Variants in HGD observed in about 807,000 individuals in gnomAD.
The protein encoded by HGD is homogentisate 1,2-dioxygenase.
HGD carries 61 observed loss-of-function variants against 60.8 expected under a neutral mutation model. That is an observed-to-expected ratio of 1.00 (90% CI 0.82 to 1.24). The LOEUF (loss-of-function observed/expected upper bound fraction) is 1.24, where lower values mean the gene tolerates loss of function less well. Ranked by LOEUF, HGD falls within the 50% of genes most tolerant of loss-of-function variation. The probability of loss-of-function intolerance (pLI) is 0.00; values close to 1 mark genes in which losing one functional copy is unlikely to be tolerated. For missense variants in HGD, 542 were observed against 547.1 expected (o/e 0.99, Z 0.09); for synonymous variants, 212 against 187.7 (o/e 1.13, Z -1.06).
At position 120,633,144 on chromosome 3, in the gene HGD, T is replaced by TA. The variant is rs1940642269; in HGVS notation, c.1188+2dup. ...GCTGGAATGTGGCAGTTAACATACT[T>TA]ACCATGGTGCCATCGGCAATCCTCT... On this transcript the variant is annotated splice_region_variant and intron_variant, in intron 13 of 13. Coordinates refer to ENST00000283871, the MANE Select transcript of HGD (RefSeq NM_000187.4). The TA allele has an allele frequency of 1.2e-6, 2 of 1,613,886 alleles. No individual in the cohort carries two copies. Among genetic ancestry groups the TA allele is most frequent in the African/African-American group, 2.7e-5 (2 of 74,906 alleles).
intron 4 of HGD, among the ~76,000 whole-genome samples, chr3:120,655,095 C>T (rs111374013): frequency 0.11 from 17,269 of 151,902 alleles, 1,199 homozygotes; most frequent in Middle Eastern, 0.17. Flanking sequence ...ACAAAAACAA[C>T]AACAACAAAA....
chr3:120,628,548 G>T lies in HGD; in HGVS notation c.1189-19C>A, dbSNP rs778913529. 1 of 1,613,434 alleles carries T rather than the reference G, an allele frequency of 6.2e-7. No homozygotes were observed. ...TAAATGCCTGGAGGAAGTGACGATG[G>T]GGATGAGAAAAAAGAGGTGAGATAG... On this transcript the variant is annotated intron_variant, in intron 13 of 13. Coordinates refer to ENST00000283871, the MANE Select transcript of HGD (RefSeq NM_000187.4).
intron 13 of HGD, 113 bp downstream of exon 13, chr3:120,633,034 T>C: frequency 1.1e-6 from 1 of 890,600 alleles, no homozygotes; most frequent in Non-Finnish European, 1.8e-6. Flanking sequence ...AGTCATTAAC[T>C]CTCCCTCTTT....
At chr3:120,654,718 G>A (rs1019349866) in intron 4 of HGD, among the ~76,000 whole-genome samples, 4 of 152,234 alleles carry the variant, frequency 2.6e-5, no homozygotes, top group Non-Finnish European at 4.4e-5. Context: ...AGTAGCAGGG[G>A]ATTTTCTGCC....
At chr3:120,638,353 T>G in intron 12 of HGD, 102 bp downstream of exon 12, 4 of 1,390,064 alleles carry the variant, frequency 2.9e-6, no homozygotes, top group Non-Finnish European at 4.1e-6. Context: ...CATGCCATGG[T>G]GGGTGTCCAG....
At chr3:120,630,798 T>TTATATATATTTATATATATATATATATA (rs1940560491) in intron 13 of HGD, among the ~76,000 whole-genome samples, 1 of 88,028 alleles carries the variant, frequency 1.1e-5, no homozygotes, top group Non-Finnish European at 2.1e-5. Flanking sequence ...CTTAAGAGCT[T>TTATATATATTTATATATATATATATATA]TATATATATA....
At chr3:120,660,189 C>A (rs1240373254) in intron 4 of HGD, among the ~76,000 whole-genome samples, 1 of 152,114 alleles carries the variant, frequency 6.6e-6, no homozygotes, top group Admixed American at 6.6e-5. Flanking sequence ...TCCTGTACAC[C>A]CTGTGGAACT....
At chr3:120,681,061 G>A (rs553763494) in intron 1 of HGD, among the ~76,000 whole-genome samples, 2 of 152,318 alleles carry the variant, frequency 1.3e-5, no homozygotes, top group East Asian at 1.9e-4. Flanking sequence ...CTTTTACTCC[G>A]GTGTGGAGTG....
intron 4 of HGD, among the ~76,000 whole-genome samples, chr3:120,668,034 C>T (rs925873203): frequency 9.9e-5 from 15 of 152,112 alleles, no homozygotes; most frequent in African/African-American, 3.6e-4. Flanking sequence ...CGTCTGTGTC[C>T]CTTTGTGTGG....
chr3:120,642,390 C>T (rs376135552), intron 10 of HGD, among the ~76,000 whole-genome samples: 1 of 152,044 alleles, frequency 6.6e-6, no homozygotes, highest in Non-Finnish European at 1.5e-5. Flanking sequence ...CTAGCAATAG[C>T]GGGAAGACAC....
chr3:120,638,659 T>C, intron 11 of HGD, 78 bp from the exon 12 acceptor site: 5 of 1,508,158 alleles, frequency 3.3e-6, no homozygotes, highest in African/African-American at 1.4e-5. Context: ...CATGCATACA[T>C]GAAGGTGTTT....
intron 12 of HGD, among the ~76,000 whole-genome samples, chr3:120,634,309 T>A (rs1321381059): frequency 6.6e-6 from 1 of 152,196 alleles, no homozygotes; most frequent in East Asian, 1.9e-4. Flanking sequence ...TCACCATGCT[T>A]CCACTCTTCC....
intron 3 of HGD, among the ~76,000 whole-genome samples, chr3:120,672,993 C>T (rs911017672): frequency 4.6e-5 from 7 of 152,080 alleles, no homozygotes; most frequent in African/African-American, 1.7e-4. Context: ...TAGATAGACT[C>T]TTTAATAGTT....
chr3:120,669,627 A>G (rs1707981673), intron 4 of HGD, among the ~76,000 whole-genome samples: 1 of 152,212 alleles, frequency 6.6e-6, no homozygotes, highest in African/African-American at 2.4e-5. Context: ...ACACACTATT[A>G]AAACTGTGTT....
chr3:120,664,927 T>C (rs1226228288), intron 4 of HGD, among the ~76,000 whole-genome samples: 1 of 152,226 alleles, frequency 6.6e-6, no homozygotes, highest in Non-Finnish European at 1.5e-5. Flanking sequence ...TAGAGAGTGA[T>C]GCACTATTGT....
At chr3:120,679,292 T>C (rs1157202740) in intron 1 of HGD, among the ~76,000 whole-genome samples, 1 of 152,200 alleles carries the variant, frequency 6.6e-6, no homozygotes, top group Non-Finnish European at 1.5e-5. Flanking sequence ...TGCACCTCAC[T>C]TCCTCTTACT....
intron 10 of HGD, among the ~76,000 whole-genome samples, chr3:120,643,171 T>G (rs1941043863): frequency 6.6e-6 from 1 of 152,212 alleles, no homozygotes; most frequent in South Asian, 2.1e-4. Flanking sequence ...TCGCCCGGGC[T>G]GGAGTGCAAT....
intron 9 of HGD, 133 bp downstream of exon 9, chr3:120,646,134 A>G (rs952734043): frequency 2.8e-6 from 2 of 717,350 alleles, no homozygotes; most frequent in Non-Finnish European, 5.1e-6. Flanking sequence ...CACTTGGTCT[A>G]GAGAAGAATT....
intron 10 of HGD, 27 bp from the exon 11 acceptor site, chr3:120,641,720 A>C: frequency 6.9e-7 from 1 of 1,449,296 alleles, no homozygotes; most frequent in Non-Finnish European, 9.7e-7. Context: ...GGAAAGGATA[A>C]TTTTACCATC....
Sources: gnomAD v4.1 joint callset for allele counts (sites outside exome capture counted in the v4.1 genomes callset) on GRCh38, gnomAD v4.1.1 for gene constraint, MANE v1.5 for transcripts, NCBI Gene and HGNC (gene_info 2026-07-23, HGNC 2026-07-21) for gene names.